The following SULF1 variants were observed in gnomAD, a reference collection of about 807,000 sequenced individuals.
SULF1 encodes the protein extracellular sulfatase Sulf-1.
Under a neutral mutation model 110.5 loss-of-function variants are expected in SULF1, and 46 were observed. The ratio of observed to expected loss-of-function variants is 0.42; its 90% CI spans 0.33 to 0.53. The LOEUF (loss-of-function observed/expected upper bound fraction) is 0.53, where lower values mean the gene tolerates loss of function less well. Among genes scored for constraint, SULF1 ranks in the 20% least tolerant of loss-of-function variants. The probability of loss-of-function intolerance (pLI) is 0.12; values close to 1 mark genes in which losing one functional copy is unlikely to be tolerated. For synonymous variants in SULF1, 371 were observed against 387.1 expected, an observed-to-expected ratio of 0.96 and a Z score of 0.49; for missense variants, 941 against 1,094.2, an observed-to-expected ratio of 0.86 and a Z score of 1.98.
chr8:69,516,147 A>G lies in SULF1; in HGVS notation c.-134+14179A>G, dbSNP rs569591660. ...GCCATGCCCCACTTCTCTGATACCA[A>G]TTTTCTTTATTAGTTCATTCTCACA... On this transcript the variant is annotated intron_variant, in intron 3 of 22. Transcript: ENST00000402687. 3.9e-5 allele frequency among the ~76,000 whole-genome samples: 6 copies of G among 152,250 alleles called. No homozygotes were observed. In the South Asian group the frequency reaches 8.3e-4, roughly 21 times the overall value.
At chr8:69,491,311 A>T (rs1377790673), upstream of SULF1, among the ~76,000 whole-genome samples, 2 of 152,200 alleles carry the variant, frequency 1.3e-5, no homozygotes, top group East Asian at 3.9e-4. Flanking sequence ...TTCACCAGAG[A>T]GCAGTTGTTC....
intron 21 of SULF1, among the ~76,000 whole-genome samples, chr8:69,640,181 GAAAA>G: frequency 3.0e-5 from 1 of 33,552 alleles, no homozygotes; most frequent in East Asian, 1.1e-3. Flanking sequence ...GAAAGAAAGA[GAAAA>G]GAAAGAAAGA....
chr8:69,572,086 C>A (rs1442144769), intron 5 of SULF1, among the ~76,000 whole-genome samples: 1 of 152,160 alleles, frequency 6.6e-6, no homozygotes, highest in East Asian at 1.9e-4. Context: ...GGGTAGGAGA[C>A]AGGTGTTAAT....
chr8:69,618,506 G>A (rs916038320), intron 13 of SULF1, among the ~76,000 whole-genome samples: 3 of 152,166 alleles, frequency 2.0e-5, no homozygotes, highest in Non-Finnish European at 4.4e-5. Flanking sequence ...TTATATCAGA[G>A]ACTTGAGCAT....
intron 13 of SULF1, among the ~76,000 whole-genome samples, chr8:69,612,188 T>A (rs565178622): frequency 9.9e-5 from 15 of 152,222 alleles, no homozygotes; most frequent in Non-Finnish European, 1.8e-4. Context: ...ATTTTGTTCC[T>A]TTTTATGCCT....
In SULF1 at chr8:69,653,588, G is replaced by A. The variant is rs778124071; in HGVS notation, c.2586-4917G>A. 6.6e-5 allele frequency among the ~76,000 whole-genome samples: 10 copies of A among 152,302 alleles called. No individual in the cohort carries two copies. The South Asian group carries it at 1.4e-3, about 22-fold the overall frequency. Reference sequence around the variant, plus strand: ...GGAAATTTCTCTGAACCCTGTTATCGTTTAAGATTTTTAATGAGGTTCCAT... The same window carrying A: ...GGAAATTTCTCTGAACCCTGTTATCATTTAAGATTTTTAATGAGGTTCCAT... On this transcript the variant is annotated intron_variant, in intron 22 of 22. Transcript: ENST00000402687.
At chr8:69,636,169 A>G (rs1239832194) in intron 19 of SULF1, among the ~76,000 whole-genome samples, 4 of 152,138 alleles carry the variant, frequency 2.6e-5, no homozygotes, top group Non-Finnish European at 5.9e-5. Context: ...ATCTTTCTCA[A>G]TCAAAATAGG....
intron 5 of SULF1, among the ~76,000 whole-genome samples, chr8:69,574,876 A>G (rs1805491871): frequency 6.6e-6 from 1 of 152,240 alleles, no homozygotes. Context: ...TGTGAACGGT[A>G]AAAGCTAGTA....
chr8:69,556,830 T>A (rs1815147287), intron 3 of SULF1, among the ~76,000 whole-genome samples: 1 of 152,138 alleles, frequency 6.6e-6, no homozygotes, highest in Non-Finnish European at 1.5e-5. Context: ...TAAACGTGTG[T>A]CATGGTGGCT....
chr8:69,493,315 GA>G (rs1202917697), intron 1 of SULF1, among the ~76,000 whole-genome samples, 190 bp downstream of exon 1: 1 of 152,114 alleles, frequency 6.6e-6, no homozygotes, highest in Non-Finnish European at 1.5e-5. Flanking sequence ...AATAAGAGGG[GA>G]AAGAGGTTTC....
Position 69,588,315 on chromosome 8 carries a change from G to T in SULF1, c.565-657G>T, listed in dbSNP as rs570363043. On this transcript the variant is annotated intron_variant, in intron 7 of 22. Transcript: ENST00000402687. ...TTGTGCAATTAACACAGTATAATCT[G>T]CAGGAAATCAACTGCTCCCTATTCA... 3.3e-5 allele frequency among the ~76,000 whole-genome samples: 5 copies of T among 152,254 alleles called. No individual in the cohort carries two copies. In the East Asian group the frequency reaches 9.6e-4, roughly 29 times the overall value.
At chr8:69,645,447 A>G (rs1811821244) in intron 22 of SULF1, among the ~76,000 whole-genome samples, 1 of 152,234 alleles carries the variant, frequency 6.6e-6, no homozygotes, top group Non-Finnish European at 1.5e-5. Flanking sequence ...TCCATGCAAC[A>G]TATAAAGACA....
chr8:69,592,527 C>A (rs1806981549), intron 8 of SULF1, among the ~76,000 whole-genome samples: 1 of 152,182 alleles, frequency 6.6e-6, no homozygotes, highest in Non-Finnish European at 1.5e-5. Context: ...TGGTTTCCTG[C>A]CTCAGCTGCC....
At chr8:69,589,755 A>C (rs1806756034) in intron 8 of SULF1, among the ~76,000 whole-genome samples, 1 of 152,160 alleles carries the variant, frequency 6.6e-6, no homozygotes, top group Non-Finnish European at 1.5e-5. Flanking sequence ...GGGATGAGAC[A>C]GAACAAAGAG....
intron 15 of SULF1, 145 bp from the exon 16 acceptor site, chr8:69,627,065 T>C (rs1184908593): frequency 1.9e-5 from 12 of 629,394 alleles, no homozygotes; most frequent in Admixed American, 9.9e-5. Context: ...AATATTCCCA[T>C]TGATGCTGGT....
intron 7 of SULF1, among the ~76,000 whole-genome samples, chr8:69,588,163 T>A (rs1806604725): frequency 6.6e-6 from 1 of 152,226 alleles, no homozygotes. Context: ...TAAGTTTTCA[T>A]CTTTTCTTTC....
chr8:69,607,790 A>G (rs1451971259), intron 13 of SULF1, among the ~76,000 whole-genome samples: 1 of 152,248 alleles, frequency 6.6e-6, no homozygotes. Context: ...AAAATTCAGA[A>G]TAATGACACT....
At chr8:69,542,891 C>G (rs1368673896) in intron 3 of SULF1, among the ~76,000 whole-genome samples, 1 of 152,072 alleles carries the variant, frequency 6.6e-6, no homozygotes, top group Non-Finnish European at 1.5e-5. Context: ...GAAATTCAAT[C>G]AAATGTCATA....
intron 2 of SULF1, among the ~76,000 whole-genome samples, 184 bp from the exon 3 acceptor site, chr8:69,501,690 G>A (rs574538616): frequency 1.1e-4 from 16 of 152,166 alleles, no homozygotes; most frequent in Non-Finnish European, 1.9e-4. Flanking sequence ...CAAAAGGACC[G>A]AATCACCCAC....
Sources: allele counts gnomAD v4.1 joint callset (sites outside exome capture counted in the v4.1 genomes callset), GRCh38; gene constraint gnomAD v4.1.1; transcripts MANE v1.5; gene names NCBI Gene and HGNC (gene_info 2026-07-23, HGNC 2026-07-21).